Variants in XKR9 observed in about 807,000 individuals in gnomAD.
The protein encoded by XKR9 is XK-related protein 9.
A neutral mutation model predicts 32.0 loss-of-function variants in XKR9; 32 were observed. That is an observed-to-expected ratio of 1.00 (90% CI 0.76 to 1.34). XKR9 has a LOEUF of 1.34. XKR9 is among the 40% of genes most tolerant of loss of function. XKR9 has a pLI of 0.00. For synonymous variants in XKR9, 168 were observed against 143.4 expected, an observed-to-expected ratio of 1.17 and a Z score of -1.22; for missense variants, 546 against 429.7, an observed-to-expected ratio of 1.27 and a Z score of -2.39.
At chr8:70,743,304 T>A (rs1807014433) in intron 2 of XKR9, among the ~76,000 whole-genome samples, 1 of 152,176 alleles carries the variant, frequency 6.6e-6, no homozygotes, top group Non-Finnish European at 1.5e-5. Context: ...ATAAGCATAT[T>A]TTTCTTTATA....
At chr8:70,876,932 A>G in the XKR9 span, among the ~76,000 whole-genome samples, 36 of 152,174 alleles carry the variant, frequency 2.4e-4, no homozygotes, top group Non-Finnish European at 1.8e-4. Context: ...GTAAAAAATG[A>G]TAATAAACAT....
the XKR9 span, among the ~76,000 whole-genome samples, chr8:71,032,485 G>A: frequency 6.6e-6 from 1 of 152,006 alleles, no homozygotes; most frequent in Non-Finnish European, 1.5e-5. Flanking sequence ...GACAGCTGCA[G>A]CAAACAGAAG....
At chr8:70,929,697 G>T in the XKR9 span, among the ~76,000 whole-genome samples, 2 of 152,130 alleles carry the variant, frequency 1.3e-5, no homozygotes, top group East Asian at 1.9e-4. Context: ...TTTGCACATG[G>T]CCACTTCCAT....
At chr8:70,775,830 G>A (rs543781499) in intron 2 of XKR9, among the ~76,000 whole-genome samples, 3 of 151,332 alleles carry the variant, frequency 2.0e-5, no homozygotes, top group Admixed American at 1.3e-4. Context: ...CTGCAGCTTC[G>A]ATTTTTTGGG....
At chr8:70,871,973 C>A in the XKR9 span, among the ~76,000 whole-genome samples, 1 of 152,162 alleles carries the variant, frequency 6.6e-6, no homozygotes, top group Non-Finnish European at 1.5e-5. Flanking sequence ...CAATTTGGGA[C>A]TTTCCAAACT....
chr8:70,966,812 G>A, the XKR9 span, among the ~76,000 whole-genome samples: 7 of 152,182 alleles, frequency 4.6e-5, no homozygotes, highest in African/African-American at 9.6e-5. Context: ...CCTGTATTGC[G>A]TGCATATATA....
At chr8:70,982,620 C>T in the XKR9 span, among the ~76,000 whole-genome samples, 9 of 152,280 alleles carry the variant, frequency 5.9e-5, no homozygotes, top group South Asian at 1.7e-3. Context: ...TGAGCCTCCT[C>T]GTTGAGAAAG....
the XKR9 span, among the ~76,000 whole-genome samples, chr8:70,883,696 A>G: frequency 6.6e-6 from 1 of 152,058 alleles, no homozygotes; most frequent in Non-Finnish European, 1.5e-5. Context: ...GTTATTTTAT[A>G]TCTTTTTGTG....
intron 2 of XKR9, among the ~76,000 whole-genome samples, chr8:70,775,257 T>C (rs1807503648): frequency 6.6e-6 from 1 of 152,186 alleles, no homozygotes; most frequent in African/African-American, 2.4e-5. Context: ...TACAGTCATG[T>C]CTTGCAAATT....
the XKR9 span, among the ~76,000 whole-genome samples, chr8:71,049,391 G>T: frequency 6.6e-6 from 1 of 152,172 alleles, no homozygotes; most frequent in African/African-American, 2.4e-5. Flanking sequence ...AAATGGAACT[G>T]TATGCTGATG....
At chr8:70,990,785 G>GAA in the XKR9 span, among the ~76,000 whole-genome samples, 1 of 151,718 alleles carries the variant, frequency 6.6e-6, no homozygotes, top group Non-Finnish European at 1.5e-5. Flanking sequence ...GAGAGAGAGA[G>GAA]AACAAGCATG....
rs180685626 is a variant in XKR9 at position 70,754,447 on chromosome 8, G to C, written n.353-34892G>C. 3.5e-3 allele frequency among the ~76,000 whole-genome samples: 457 copies of C among 128,866 alleles called. 22 individuals carry two copies. The highest frequency in any genetic ancestry group is 0.011 in the African/African-American group (436 of 39,578). 84.5% of individuals were successfully genotyped at this position (128,866 alleles called of 152,430 possible). ...TTCATATGAAACCATAAAAGAGCCC[G>C]CATCGCCAAGTCAATCCTAAGCCAA... On this transcript the variant is annotated intron_variant and non_coding_transcript_variant, in intron 2 of 3. Coordinates refer to the XKR9 transcript ENST00000520273.
chr8:70,758,295 C>A (rs1265965022), intron 2 of XKR9, among the ~76,000 whole-genome samples: 5 of 152,092 alleles, frequency 3.3e-5, no homozygotes, highest in African/African-American at 1.2e-4. Context: ...TCACTCTTAC[C>A]CTGACCACAC....
At chr8:70,730,287 A>T (rs1256934692) in intron 4 of XKR9, among the ~76,000 whole-genome samples, 1 of 152,320 alleles carries the variant, frequency 6.6e-6, no homozygotes, top group Non-Finnish European at 1.5e-5. Context: ...TCAATGTTAA[A>T]GCTAGTTTTT....
At chr8:70,717,116 GC>G (rs1372262836) in intron 4 of XKR9, among the ~76,000 whole-genome samples, 1 of 152,176 alleles carries the variant, frequency 6.6e-6, no homozygotes, top group Non-Finnish European at 1.5e-5. Context: ...TGCCCCTGTG[GC>G]TTTGCAGGGT....
At chr8:70,986,218 C>T in the XKR9 span, among the ~76,000 whole-genome samples, 4 of 152,174 alleles carry the variant, frequency 2.6e-5, no homozygotes, top group Non-Finnish European at 2.9e-5. Context: ...ATTTAAACTT[C>T]GGCAAGCCAC....
the XKR9 span, among the ~76,000 whole-genome samples, chr8:70,927,562 T>C: frequency 6.6e-6 from 1 of 152,124 alleles, no homozygotes; most frequent in Admixed American, 6.6e-5. Flanking sequence ...TTTTGCAGTG[T>C]CCTCTGGAGA....
the XKR9 span, among the ~76,000 whole-genome samples, chr8:71,026,635 T>C: frequency 2.0e-4 from 31 of 152,236 alleles, no homozygotes; most frequent in Non-Finnish European, 3.4e-4. Flanking sequence ...TTAGCTTTCC[T>C]GAGCACCAAA....
At chr8:70,936,404 G>T in the XKR9 span, among the ~76,000 whole-genome samples, 1 of 151,882 alleles carries the variant, frequency 6.6e-6, no homozygotes, top group Non-Finnish European at 1.5e-5. Context: ...AGGGATGCTT[G>T]GTTTTCTCTG....
Sources: gnomAD v4.1 joint callset for allele counts (sites outside exome capture counted in the v4.1 genomes callset) on GRCh38, gnomAD v4.1.1 for gene constraint, MANE v1.5 for transcripts, NCBI Gene and HGNC (gene_info 2026-07-23, HGNC 2026-07-21) for gene names.